Variants in SPON1 observed in about 807,000 individuals in gnomAD.
SPON1 encodes spondin-1.
Under a neutral mutation model 111.7 loss-of-function variants are expected in SPON1, and 52 were observed. That is an observed-to-expected ratio of 0.47 (90% CI 0.37 to 0.59). The LOEUF (loss-of-function observed/expected upper bound fraction) is 0.59, where lower values mean the gene tolerates loss of function less well. Among genes scored for constraint, SPON1 ranks in the 20% least tolerant of loss-of-function variants. The probability of loss-of-function intolerance (pLI) is 0.00; values close to 1 mark genes in which losing one functional copy is unlikely to be tolerated. For synonymous variants in SPON1, 410 were observed against 395.8 expected (o/e 1.04, Z -0.43); for missense variants, 957 against 1,068.5 (o/e 0.90, Z 1.46).
intron 5 of SPON1, among the ~76,000 whole-genome samples, chr11:14,104,026 G>A (rs1009600536): frequency 2.0e-5 from 3 of 151,986 alleles, no homozygotes; most frequent in Non-Finnish European, 2.9e-5. Context: ...TTAACAGTTA[G>A]CTTGCTTTAA....
intron 6 of SPON1, among the ~76,000 whole-genome samples, chr11:14,207,060 AGAG>A (rs1225546462): frequency 6.6e-6 from 1 of 152,212 alleles, no homozygotes; most frequent in African/African-American, 2.4e-5. Flanking sequence ...GGAAGAGAAT[AGAG>A]AATTCAGAAA....
chr11:14,133,141 T>C (rs1847546135), intron 5 of SPON1, among the ~76,000 whole-genome samples: 1 of 152,214 alleles, frequency 6.6e-6, no homozygotes, highest in South Asian at 2.1e-4. Flanking sequence ...GCCTAGCAGG[T>C]GTCAGGAACT....
chr11:14,098,264 G>T (rs937056158), intron 5 of SPON1, among the ~76,000 whole-genome samples: 1 of 152,208 alleles, frequency 6.6e-6, no homozygotes, highest in Non-Finnish European at 1.5e-5. Context: ...CCAAAGTGCT[G>T]GGATTACAGG....
chr11:14,245,750 G>C (rs1302678743), intron 7 of SPON1, among the ~76,000 whole-genome samples: 1 of 152,152 alleles, frequency 6.6e-6, no homozygotes, highest in Non-Finnish European at 1.5e-5. Context: ...TCTAAGCCTT[G>C]CTCTGGATCC....
chr11:14,260,555 T>C (rs1402839354), intron 13 of SPON1, 33 bp from the exon 14 acceptor site: 1 of 1,600,178 alleles, frequency 6.2e-7, no homozygotes, highest in Non-Finnish European at 8.5e-7. Flanking sequence ...AAAAGGAACC[T>C]GTTCTCAGTG....
At chr11:14,229,792 G>A (rs61883839) in intron 6 of SPON1, among the ~76,000 whole-genome samples, 4 of 151,948 alleles carry the variant, frequency 2.6e-5, no homozygotes, top group African/African-American at 7.3e-5. Context: ...CTGAACCCTC[G>A]GTCTGCCTAT....
intron 2 of SPON1, 87 bp from the exon 3 acceptor site, chr11:14,041,434 A>C: frequency 6.8e-7 from 1 of 1,476,578 alleles, no homozygotes; most frequent in South Asian, 1.2e-5. Flanking sequence ...AAGTTTAAAA[A>C]TAAAGTTAAG....
chr11:14,250,447 G>C (rs2133922005), intron 7 of SPON1, among the ~76,000 whole-genome samples: 1 of 148,922 alleles, frequency 6.7e-6, no homozygotes, highest in Admixed American at 6.7e-5. Flanking sequence ...AACCCCACTT[G>C]TCGCACAATC....
At chr11:14,215,027 C>T (rs149311616) in intron 6 of SPON1, among the ~76,000 whole-genome samples, 1 of 152,086 alleles carries the variant, frequency 6.6e-6, no homozygotes, top group Non-Finnish European at 1.5e-5. Context: ...TTCCATCTTT[C>T]TACTCTGCCT....
intron 6 of SPON1, among the ~76,000 whole-genome samples, chr11:14,178,566 TTACA>T (rs1347399802): frequency 6.6e-6 from 1 of 152,188 alleles, no homozygotes; most frequent in Non-Finnish European, 1.5e-5. Context: ...GGCTAAATTG[TTACA>T]TACTCTGCAA....
At chr11:14,000,124 T>C (rs1848305733) in intron 2 of SPON1, among the ~76,000 whole-genome samples, 1 of 152,178 alleles carries the variant, frequency 6.6e-6, no homozygotes, top group South Asian at 2.1e-4. Flanking sequence ...TCCGCCATGG[T>C]TGATCACTGT....
intron 1 of SPON1, among the ~76,000 whole-genome samples, chr11:13,967,018 C>T (rs911443969): frequency 7.2e-5 from 11 of 152,222 alleles, no homozygotes; most frequent in African/African-American, 2.7e-4. Context: ...GTTCTTCCGA[C>T]TCATCTCACT....
At chr11:14,107,590 G>GAAAAAAA (rs3047369) in intron 5 of SPON1, among the ~76,000 whole-genome samples, 1 of 119,266 alleles carries the variant, frequency 8.4e-6, no homozygotes, top group Non-Finnish European at 1.8e-5. Flanking sequence ...AGATCCTCAG[G>GAAAAAAA]AAAAAAAAAA....
At chr11:14,026,573 C>T (rs942369109) in intron 2 of SPON1, among the ~76,000 whole-genome samples, 26 of 152,088 alleles carry the variant, frequency 1.7e-4, no homozygotes, top group Admixed American at 1.2e-3. Context: ...ATTCTCAAGG[C>T]GAGGGGGTGG....
At chr11:14,032,221 A>G (rs1554916147) in intron 2 of SPON1, among the ~76,000 whole-genome samples, 2 of 152,224 alleles carry the variant, frequency 1.3e-5, no homozygotes, top group Non-Finnish European at 1.5e-5. Context: ...ACATTTTTAT[A>G]TGTATATGTA....
At chr11:13,991,948 G>A (rs1848234118) in intron 2 of SPON1, among the ~76,000 whole-genome samples, 2 of 152,182 alleles carry the variant, frequency 1.3e-5, no homozygotes, top group Admixed American at 1.3e-4. Context: ...TCCTAGAGGG[G>A]CACCTGCCAG....
intron 2 of SPON1, among the ~76,000 whole-genome samples, chr11:14,015,073 C>G (rs1848435068): frequency 6.6e-6 from 1 of 152,156 alleles, no homozygotes; most frequent in Non-Finnish European, 1.5e-5. Context: ...GTCTACTTAA[C>G]CTCTCCCCAT....
rs1849123855 is a variant in SPON1, at chr11:14,257,635, C to G, written c.1310-81C>G. 15 of 1,340,640 alleles carry G rather than the reference C, an allele frequency of 1.1e-5. 1 individual carries two copies. In the South Asian group the frequency reaches 2.4e-4, roughly 22 times the overall value. 83.0% of individuals were successfully genotyped at this position (1,340,640 alleles called of 1,614,324 possible). A position where few individuals can be genotyped will look rare whatever the true frequency, so the allele number is the denominator to read the frequency against. On this transcript the variant is annotated intron_variant, in intron 10 of 15. Transcript: ENST00000576479. ...GTCTGGCAGCATGGCTTTTCTTGTCCCCAGATAAGCTGGTATGGGGAGAGG... is the reference window on the plus strand; with the variant it reads ...GTCTGGCAGCATGGCTTTTCTTGTCGCCAGATAAGCTGGTATGGGGAGAGG...
In SPON1 at chr11:14,102,497, T is replaced by C. The variant is rs564727858; in HGVS notation, c.676+22476T>C. Among the ~76,000 whole-genome samples, 9 of 152,354 alleles carry C rather than the reference T, an allele frequency of 5.9e-5. No individual in the cohort carries two copies. The South Asian group carries it at 1.2e-3, about 21-fold the overall frequency. The stretch of plus-strand genomic sequence containing the variant: ...CACGTCTCAATTCAGACTAGCCACA[T>C]TTCAATCACACAGTAGCTACATGTA... On this transcript the variant is annotated intron_variant, in intron 5 of 15. Transcript: ENST00000576479.
Sources: allele counts gnomAD v4.1 joint callset (sites outside exome capture counted in the v4.1 genomes callset), GRCh38; gene constraint gnomAD v4.1.1; transcripts MANE v1.5; gene names NCBI Gene and HGNC (gene_info 2026-07-23, HGNC 2026-07-21).